The following PLCB1 variants were observed in gnomAD, a reference collection of about 807,000 sequenced individuals.
PLCB1 encodes the protein phospholipase C beta 1, also known as 1-phosphatidylinositol 4,5-bisphosphate phosphodiesterase beta-1.
Under a neutral mutation model 161.8 loss-of-function variants are expected in PLCB1, and 46 were observed. The ratio of observed to expected loss-of-function variants is 0.28; its 90% CI spans 0.22 to 0.36. The LOEUF (loss-of-function observed/expected upper bound fraction) is 0.36. PLCB1 is among the 10% of genes least tolerant of loss of function. The probability of loss-of-function intolerance (pLI) is 1.00; values close to 1 mark genes in which losing one functional copy is unlikely to be tolerated. For missense variants in PLCB1, 1,016 were observed against 1,472.5 expected (o/e 0.69, Z 5.07); for synonymous variants, 517 against 503.7 (o/e 1.03, Z -0.35).
In PLCB1 at chr20:8,739,255, T is replaced by C. The variant is rs758949480; in HGVS notation, c.2209-6T>C. 1.9e-6 allele frequency: 3 copies of C among 1,569,124 alleles called. No homozygotes were observed. The highest frequency in any genetic ancestry group is 2.2e-5 in the South Asian group (2 of 90,090). ...TAACCAGGTGTGTCCTTAATGTCCTTTGTAGGTGGTTCTTCCTACTCTGGC... is the reference window on the plus strand; with the variant it reads ...TAACCAGGTGTGTCCTTAATGTCCTCTGTAGGTGGTTCTTCCTACTCTGGC... On this transcript the variant is annotated splice_region_variant and splice_polypyrimidine_tract_variant and intron_variant, in intron 20 of 31. Coordinates refer to ENST00000338037, the MANE Select transcript of PLCB1 (RefSeq NM_015192.4).
chr20:8,717,888 G>T (rs1437094759), intron 14 of PLCB1, 40 bp downstream of exon 14: 1 of 1,573,034 alleles, frequency 6.4e-7, no homozygotes, highest in Non-Finnish European at 8.6e-7. Context: ...GTTTTGTGTT[G>T]GTTTAAGAAT....
intron 9 of PLCB1, among the ~76,000 whole-genome samples, chr20:8,671,214 G>A (rs1989934724): frequency 6.6e-6 from 1 of 152,096 alleles, no homozygotes; most frequent in Non-Finnish European, 1.5e-5. Context: ...GTCTTCCAAG[G>A]CAAAATTTGT....
At chr20:8,631,224 G>T (rs566920931) in intron 4 of PLCB1, among the ~76,000 whole-genome samples, 1 of 152,244 alleles carries the variant, frequency 6.6e-6, no homozygotes, top group Admixed American at 6.5e-5. Context: ...TTTCTAACTG[G>T]TCCCAGGTGA....
chr20:8,777,279 T>C (rs1982989073), intron 27 of PLCB1, among the ~76,000 whole-genome samples: 1 of 152,126 alleles, frequency 6.6e-6, no homozygotes, highest in Admixed American at 6.5e-5. Context: ...ACTCCGGGGC[T>C]GTGCTTCCCA....
intron 12 of PLCB1, among the ~76,000 whole-genome samples, chr20:8,715,178 A>G (rs759679291): frequency 6.6e-6 from 1 of 152,252 alleles, no homozygotes; most frequent in Non-Finnish European, 1.5e-5. Flanking sequence ...CAAAATCCAT[A>G]AAACCCAAAG....
At chr20:8,626,490 G>A (rs1600203131) in intron 3 of PLCB1, among the ~76,000 whole-genome samples, 2 of 152,268 alleles carry the variant, frequency 1.3e-5, no homozygotes, top group South Asian at 2.1e-4. Flanking sequence ...GAATGGACAT[G>A]AGAATTAGGC....
intron 2 of PLCB1, among the ~76,000 whole-genome samples, chr20:8,288,803 TC>T (rs1179595749): frequency 1.3e-5 from 2 of 152,180 alleles, no homozygotes; most frequent in Non-Finnish European, 2.9e-5. Flanking sequence ...CTTTCTTGCC[TC>T]CAACAGTCAC....
At chr20:8,618,274 A>G (rs1320539303) in intron 3 of PLCB1, among the ~76,000 whole-genome samples, 1 of 152,200 alleles carries the variant, frequency 6.6e-6, no homozygotes, top group African/African-American at 2.4e-5. Context: ...AAAAGAAGTG[A>G]CTAATGTCCT....
chr20:8,370,337 C>T (rs1466417695), intron 2 of PLCB1, among the ~76,000 whole-genome samples: 1 of 152,200 alleles, frequency 6.6e-6, no homozygotes, highest in Non-Finnish European at 1.5e-5. Context: ...TCTCTCATGA[C>T]TTCTTGTCAC....
chr20:8,540,335 G>A (rs371893769), intron 3 of PLCB1, among the ~76,000 whole-genome samples: 64 of 152,186 alleles, frequency 4.2e-4, no homozygotes, highest in Middle Eastern at 3.4e-3. Flanking sequence ...GTGGTGAAGC[G>A]TCTATCAGAA....
At chr20:8,236,883 A>G (rs1010514904) in intron 2 of PLCB1, among the ~76,000 whole-genome samples, 2 of 152,094 alleles carry the variant, frequency 1.3e-5, no homozygotes, top group Non-Finnish European at 2.9e-5. Flanking sequence ...GAAAGTTATT[A>G]ATTTCAGCAA....
intron 2 of PLCB1, among the ~76,000 whole-genome samples, chr20:8,197,502 TG>T (rs573652855): frequency 6.6e-6 from 1 of 152,152 alleles, no homozygotes; most frequent in Non-Finnish European, 1.5e-5. Flanking sequence ...CACTTGTTGA[TG>T]GGGTTGTTTT....
chr20:8,792,595 A>G (rs777130693), intron 31 of PLCB1: 2 of 471,206 alleles, frequency 4.2e-6, no homozygotes, highest in African/African-American at 4.0e-5. Context: ...AGGTACCATG[A>G]TGAATTCCTC....
chr20:8,589,105 C>G (rs547222133), intron 3 of PLCB1, among the ~76,000 whole-genome samples: 10 of 152,282 alleles, frequency 6.6e-5, no homozygotes, highest in African/African-American at 2.4e-4. Flanking sequence ...TGAGCTAGGC[C>G]AGGTTAATTC....
At chr20:8,737,463 A>G (rs1980641776) in intron 20 of PLCB1, among the ~76,000 whole-genome samples, 1 of 152,204 alleles carries the variant, frequency 6.6e-6, no homozygotes, top group South Asian at 2.1e-4. Flanking sequence ...ATCATCTGAT[A>G]GTACAAATGA....
chr20:8,545,302 T>G (rs6039189), intron 3 of PLCB1, among the ~76,000 whole-genome samples: 2 of 152,052 alleles, frequency 1.3e-5, no homozygotes, highest in South Asian at 4.1e-4. Flanking sequence ...GGGGCACTAG[T>G]GTGATATGGA....
At chr20:8,770,790 A>G (rs1982636957) in intron 26 of PLCB1, among the ~76,000 whole-genome samples, 1 of 152,238 alleles carries the variant, frequency 6.6e-6, no homozygotes, top group Admixed American at 6.5e-5. Flanking sequence ...CTCAGTGAGC[A>G]GAGGCATGAC....
At chr20:8,708,305 T>A (rs1193237763) in intron 11 of PLCB1, among the ~76,000 whole-genome samples, 1 of 152,136 alleles carries the variant, frequency 6.6e-6, no homozygotes, top group Non-Finnish European at 1.5e-5. Context: ...ATGCTAACAA[T>A]GGTTTGGTTC....
At position 8,851,536 on chromosome 20, in the gene PLCB1, A is replaced by G. The variant is rs544481179; in HGVS notation, c.3424-30086A>G. ...GTAGTGGGTTACTTTTTGCATGCCA[A>G]CTCCATCATATGGTAGCAGATGCCT... is the stretch of plus-strand genomic sequence containing the variant. On this transcript the variant is annotated intron_variant, in intron 31 of 31. Transcript: ENST00000338037. 2.6e-5 allele frequency among the ~76,000 whole-genome samples: 4 copies of G among 152,150 alleles called. No individual in the cohort carries two copies. The East Asian group carries it at 5.8e-4, about 22-fold the overall frequency.
Sources: gnomAD v4.1 joint callset for allele counts (sites outside exome capture counted in the v4.1 genomes callset) on GRCh38, gnomAD v4.1.1 for gene constraint, MANE v1.5 for transcripts, NCBI Gene and HGNC (gene_info 2026-07-23, HGNC 2026-07-21) for gene names.